The following NTRK3 variants were observed in gnomAD, a reference collection of about 807,000 sequenced individuals.
NTRK3 encodes the protein NT-3 growth factor receptor.
Under a neutral mutation model 91.7 loss-of-function variants are expected in NTRK3, and 24 were observed. That is an observed-to-expected ratio of 0.26 (90% CI 0.19 to 0.37). NTRK3 has a LOEUF of 0.37. NTRK3 is among the 10% of genes least tolerant of loss of function. The pLI, the probability that NTRK3 is intolerant of heterozygous loss-of-function variation, is 1.00. For synonymous variants in NTRK3, 483 were observed against 404.0 expected (o/e 1.20, Z -2.34); for missense variants, 880 against 1,068.9 (o/e 0.82, Z 2.46).
chr15:88,170,799 T>C (rs1260900188), intron 5 of NTRK3, among the ~76,000 whole-genome samples: 9 of 152,140 alleles, frequency 5.9e-5, no homozygotes, highest in African/African-American at 1.7e-4. Flanking sequence ...TAAAATGAAC[T>C]GAACGACTCC....
intron 15 of NTRK3, among the ~76,000 whole-genome samples, chr15:87,940,372 C>A (rs950866535): frequency 6.6e-6 from 1 of 152,164 alleles, no homozygotes; most frequent in Non-Finnish European, 1.5e-5. Context: ...TAAAAAAGGA[C>A]CAGGGTCATT....
chr15:88,211,373 G>C (rs112145962), intron 3 of NTRK3, among the ~76,000 whole-genome samples: 2 of 152,242 alleles, frequency 1.3e-5, no homozygotes, highest in African/African-American at 4.8e-5. Flanking sequence ...ATAATAGGCC[G>C]TTATAGAGAT....
At chr15:88,061,709 G>T (rs1304561075) in intron 13 of NTRK3, among the ~76,000 whole-genome samples, 2 of 152,246 alleles carry the variant, frequency 1.3e-5, no homozygotes, top group Non-Finnish European at 2.9e-5. Context: ...ACGTCAGAGA[G>T]GCTGGGCTGG....
intron 16 of NTRK3, chr15:87,931,149 C>T: frequency 2.0e-6 from 1 of 494,564 alleles, no homozygotes; most frequent in Non-Finnish European, 4.0e-6. Flanking sequence ...TCTTCTTTCT[C>T]TTCCCTTTTA....
chr15:88,197,953 C>T (rs2047974352), intron 3 of NTRK3, among the ~76,000 whole-genome samples: 1 of 152,194 alleles, frequency 6.6e-6, no homozygotes, highest in Admixed American at 6.5e-5. Flanking sequence ...GCTAGGTGAT[C>T]TCCCATGGCC....
exon 17 of NTRK3, chr15:87,929,399 C>G (rs2141915606): frequency 6.2e-7 from 1 of 1,614,098 alleles, no homozygotes; most frequent in Non-Finnish European, 8.5e-7. Flanking sequence ...GCGTGGCTGT[C>G]CATCCACAAG....
intron 3 of NTRK3, among the ~76,000 whole-genome samples, chr15:88,238,613 G>A (rs1863489): frequency 0.81 from 123,914 of 152,198 alleles, 51,401 homozygotes; most frequent in East Asian, 0.97. Context: ...GTATTATATC[G>A]GTCATTGTGA....
At chr15:88,145,881 C>T (rs939728750) in intron 6 of NTRK3, among the ~76,000 whole-genome samples, 6 of 152,006 alleles carry the variant, frequency 3.9e-5, no homozygotes, top group Non-Finnish European at 7.4e-5. Flanking sequence ...AGAATAGATC[C>T]TTGTGTTGGA....
chr15:88,113,647 T>C (rs1217009333), intron 13 of NTRK3, among the ~76,000 whole-genome samples: 1 of 152,058 alleles, frequency 6.6e-6, no homozygotes, highest in Non-Finnish European at 1.5e-5. Context: ...CATGAAACTA[T>C]GGGGTCTGAA....
chr15:88,187,747 A>G (rs2047059730), intron 3 of NTRK3, among the ~76,000 whole-genome samples: 1 of 152,076 alleles, frequency 6.6e-6, no homozygotes, highest in Non-Finnish European at 1.5e-5. Context: ...CAGCCTGGCC[A>G]ACATGGGGAA....
intron 14 of NTRK3, among the ~76,000 whole-genome samples, chr15:87,970,720 CAT>C (rs1329236066): frequency 6.6e-6 from 1 of 152,114 alleles, no homozygotes; most frequent in African/African-American, 2.4e-5. Context: ...GGATCCTTGG[CAT>C]ATCATGAGAC....
chr15:87,881,048 G>A (rs776422370), intron 17 of NTRK3, among the ~76,000 whole-genome samples: 2 of 152,234 alleles, frequency 1.3e-5, no homozygotes, highest in Non-Finnish European at 2.9e-5. Context: ...ACAGTAGGGA[G>A]AGTCTTTAAA....
intron 14 of NTRK3, 127 bp downstream of exon 14, chr15:88,032,730 T>G: frequency 2.9e-6 from 3 of 1,026,952 alleles, no homozygotes; most frequent in Non-Finnish European, 4.4e-6. Context: ...ACAGGGAGGG[T>G]CTCTTAGAAA....
At chr15:87,943,794 GC>G (rs1199821904) in intron 14 of NTRK3, among the ~76,000 whole-genome samples, 1 of 152,044 alleles carries the variant, frequency 6.6e-6, no homozygotes, top group Non-Finnish European at 1.5e-5. Context: ...GAAGAGCCTG[GC>G]AGCAGCTGCA....
At chr15:88,161,995 C>T (rs2044499930) in intron 5 of NTRK3, among the ~76,000 whole-genome samples, 1 of 152,124 alleles carries the variant, frequency 6.6e-6, no homozygotes, top group African/African-American at 2.4e-5. Context: ...AATGGAAGCA[C>T]AATAAAGAAA....
chr15:88,217,733 T>C (rs1046116842), intron 3 of NTRK3, among the ~76,000 whole-genome samples: 1 of 151,512 alleles, frequency 6.6e-6, no homozygotes, highest in Non-Finnish European at 1.5e-5. Flanking sequence ...ATGGTTAGAA[T>C]GGTAAATTTT....
intron 13 of NTRK3, among the ~76,000 whole-genome samples, chr15:88,104,427 G>A (rs1206968098): frequency 6.6e-6 from 1 of 152,156 alleles, no homozygotes. Context: ...GAAAATGTTT[G>A]GCCACTTTTT....
intron 3 of NTRK3, among the ~76,000 whole-genome samples, chr15:88,188,386 G>A (rs1200637841): frequency 1.3e-5 from 2 of 152,206 alleles, no homozygotes; most frequent in Non-Finnish European, 2.9e-5. Context: ...TGTCACAGCT[G>A]GGGAAAGAGA....
chr15:87,899,583 C>A (rs1188252854), intron 17 of NTRK3, among the ~76,000 whole-genome samples: 1 of 152,114 alleles, frequency 6.6e-6, no homozygotes, highest in Non-Finnish European at 1.5e-5. Flanking sequence ...TTTGGGCCCC[C>A]CTTTTGTTTT....
Sources: allele counts gnomAD v4.1 joint callset (sites outside exome capture counted in the v4.1 genomes callset), GRCh38; gene constraint gnomAD v4.1.1; transcripts MANE v1.5; gene names NCBI Gene and HGNC (gene_info 2026-07-23, HGNC 2026-07-21).